Variants in PRKCA observed in about 807,000 individuals in gnomAD.
PRKCA encodes the protein protein kinase C alpha type.
PRKCA carries 27 observed loss-of-function variants against 87.0 expected under a neutral mutation model. The observed-to-expected ratio is 0.31, with a 90% CI of 0.23 to 0.43. The LOEUF (loss-of-function observed/expected upper bound fraction) is 0.43. PRKCA is among the 20% of genes least tolerant of loss of function. PRKCA has a pLI of 1.00. For synonymous variants in PRKCA, 329 were observed against 311.1 expected (o/e 1.06, Z -0.61); for missense variants, 518 against 852.3 (o/e 0.61, Z 4.88).
chr17:66,305,328 T>G (rs1904757666), intron 1 of PRKCA, among the ~76,000 whole-genome samples: 1 of 152,218 alleles, frequency 6.6e-6, no homozygotes, highest in Admixed American at 6.5e-5. Context: ...ACTTTGTACA[T>G]GAAACATTCT....
At position 66,302,664 on chromosome 17, in the gene PRKCA, C is replaced by A; in HGVS notation, c.-188C>A. The A allele has an allele frequency of 5.0e-6, 1 of 199,446 alleles. No homozygotes were observed. The highest frequency in any genetic ancestry group is 1.5e-4 in the South Asian group (1 of 6,566). The allele number at this position is 199,446 out of a possible 1,614,324, so 12.4% of individuals were successfully genotyped here. On this transcript the variant is annotated 5_prime_UTR_variant, in exon 1 of 17. Transcript: ENST00000413366. The stretch of plus-strand genomic sequence containing the variant: ...AGCCAGCGGCTCCGGCTCCCGCTCC[C>A]GCTCCGCGCAGCACCAGCCCGACTC...
intron 5 of PRKCA, among the ~76,000 whole-genome samples, chr17:66,648,425 C>A (rs1318159457): frequency 2.0e-5 from 3 of 152,092 alleles, no homozygotes; most frequent in Non-Finnish European, 4.4e-5. Context: ...ATTATCCTTA[C>A]GTTATAGATG....
chr17:66,321,565 A>G (rs941997710), intron 2 of PRKCA, among the ~76,000 whole-genome samples: 1 of 152,112 alleles, frequency 6.6e-6, no homozygotes, highest in South Asian at 2.1e-4. Flanking sequence ...AATTTTTTTT[A>G]GACAGCCTTG....
intron 5 of PRKCA, among the ~76,000 whole-genome samples, chr17:66,679,219 C>A (rs1411539201): frequency 6.8e-6 from 1 of 146,148 alleles, no homozygotes; most frequent in Non-Finnish European, 1.5e-5. Context: ...CTTGCTCTGT[C>A]ACCCAGGCTG....
chr17:66,441,925 A>G (rs1336192933), intron 2 of PRKCA, among the ~76,000 whole-genome samples: 4 of 152,154 alleles, frequency 2.6e-5, no homozygotes, highest in African/African-American at 9.7e-5. Context: ...ATGTGGGTGG[A>G]TGGATGGACG....
chr17:66,743,073 G>A (rs780956558), intron 13 of PRKCA, among the ~76,000 whole-genome samples: 4 of 152,214 alleles, frequency 2.6e-5, no homozygotes, highest in Non-Finnish European at 5.9e-5. Flanking sequence ...GCTCACGCCT[G>A]TAATCCCAGC....
chr17:66,723,788 A>G (rs117526178), intron 8 of PRKCA, among the ~76,000 whole-genome samples: 314 of 152,298 alleles, frequency 2.1e-3, no homozygotes, highest in Non-Finnish European at 2.3e-3. Context: ...TCTTACTACT[A>G]TATTACAGAT....
intron 3 of PRKCA, among the ~76,000 whole-genome samples, chr17:66,523,120 G>T (rs1967224649): frequency 6.6e-6 from 1 of 152,144 alleles, no homozygotes; most frequent in South Asian, 2.1e-4. Flanking sequence ...TGGTAGAGGT[G>T]GGCTTGGGTC....
chr17:66,754,896 G>C (rs929053068), intron 13 of PRKCA, among the ~76,000 whole-genome samples: 1 of 152,206 alleles, frequency 6.6e-6, no homozygotes, highest in East Asian at 1.9e-4. Flanking sequence ...CCACCTTGAT[G>C]AGTTCATTCT....
At chr17:66,555,683 T>C (rs1212733816) in intron 3 of PRKCA, among the ~76,000 whole-genome samples, 1 of 152,152 alleles carries the variant, frequency 6.6e-6, no homozygotes, top group Admixed American at 6.5e-5. Context: ...AGGTTCTTAT[T>C]TGAGTTACAG....
intron 3 of PRKCA, among the ~76,000 whole-genome samples, chr17:66,526,363 C>G (rs575000525): frequency 6.6e-6 from 1 of 152,164 alleles, no homozygotes; most frequent in Non-Finnish European, 1.5e-5. Flanking sequence ...ATCATGTTAT[C>G]GCTTCCAGTC....
chr17:66,691,791 G>A (rs1972792729), intron 8 of PRKCA, among the ~76,000 whole-genome samples: 1 of 152,190 alleles, frequency 6.6e-6, no homozygotes, highest in South Asian at 2.1e-4. Context: ...GAGTGCATTC[G>A]AGGGAGGAAC....
Position 66,807,799 on chromosome 17 carries a change from C to T in PRKCA, c.*3762C>T, listed in dbSNP as rs373987873. The T allele has an allele frequency of 6.6e-6, 1 of 152,210 alleles. No individual in the cohort carries two copies. 9.4% of individuals were successfully genotyped at this position (152,210 alleles called of 1,614,324 possible). On this transcript the variant is annotated 3_prime_UTR_variant, in exon 17 of 17. Coordinates refer to ENST00000413366, the MANE Select transcript of PRKCA (RefSeq NM_002737.3). The surrounding 1 kb of genome is among the most constrained non-coding windows in gnomAD (Gnocchi z 4.3). ...GGATGCAGACTTCCAGAGAGCCCCC[C>T]CAACGGACGTGCTGAGAAGGGAGAG... is the stretch of plus-strand genomic sequence containing the variant.
chr17:66,581,182 A>C (rs1277556952), intron 3 of PRKCA, among the ~76,000 whole-genome samples: 1 of 152,178 alleles, frequency 6.6e-6, no homozygotes, highest in East Asian at 1.9e-4. Flanking sequence ...TAAATGTTCT[A>C]GATCAGTTGA....
chr17:66,497,025 A>T (rs1916505770), intron 3 of PRKCA, among the ~76,000 whole-genome samples: 1 of 152,126 alleles, frequency 6.6e-6, no homozygotes, highest in Non-Finnish European at 1.5e-5. Context: ...CTCCTGGTTT[A>T]CTCCAGGGGA....
chr17:66,335,675 C>T (rs1906618336), intron 2 of PRKCA, among the ~76,000 whole-genome samples: 1 of 151,710 alleles, frequency 6.6e-6, no homozygotes, highest in African/African-American at 2.4e-5. Context: ...GCGATCATTT[C>T]CCACATTACA....
At chr17:66,436,228 G>A (rs1484714357) in intron 2 of PRKCA, among the ~76,000 whole-genome samples, 1 of 152,218 alleles carries the variant, frequency 6.6e-6, no homozygotes, top group Non-Finnish European at 1.5e-5. Flanking sequence ...GAAAGCTGGA[G>A]ATGAATGACT....
At chr17:66,708,817 A>G (rs766756638) in intron 8 of PRKCA, among the ~76,000 whole-genome samples, 3 of 152,212 alleles carry the variant, frequency 2.0e-5, no homozygotes, top group African/African-American at 4.8e-5. Context: ...CCAAGATTGC[A>G]ATAAGGGTGT....
At chr17:66,767,917 A>G (rs1974846155) in intron 13 of PRKCA, among the ~76,000 whole-genome samples, 1 of 152,176 alleles carries the variant, frequency 6.6e-6, no homozygotes, top group Non-Finnish European at 1.5e-5. Context: ...ATTCTCTGAT[A>G]TGGCAATATG....
Sources: allele counts gnomAD v4.1 joint callset (sites outside exome capture counted in the v4.1 genomes callset), GRCh38; gene constraint gnomAD v4.1.1; non-coding constraint Gnocchi (gnomAD v3.1); transcripts MANE v1.5; gene names NCBI Gene and HGNC (gene_info 2026-07-23, HGNC 2026-07-21).